GAS2: variants seen among roughly 807,000 people sequenced by gnomAD.
GAS2 encodes growth arrest specific 2.
A neutral mutation model predicts 37.5 loss-of-function variants in GAS2; 20 were observed. The ratio of observed to expected loss-of-function variants is 0.53; its 90% CI spans 0.37 to 0.77. GAS2 has a LOEUF of 0.77. Among genes scored for constraint, GAS2 ranks in the 30% least tolerant of loss-of-function variants. The pLI is 0.00. For missense variants in GAS2, 336 were observed against 373.4 expected, an observed-to-expected ratio of 0.90 and a Z score of 0.82; for synonymous variants, 144 against 132.2, an observed-to-expected ratio of 1.09 and a Z score of -0.61.
intron 3 of GAS2, among the ~76,000 whole-genome samples, chr11:22,725,618 G>T (rs1201019595): frequency 6.6e-6 from 1 of 152,024 alleles, no homozygotes; most frequent in Non-Finnish European, 1.5e-5. Context: ...GTAGAGATAG[G>T]ATACCATTAT....
At chr11:22,717,712 A>G (rs1185018327) in intron 3 of GAS2, among the ~76,000 whole-genome samples, 1 of 152,196 alleles carries the variant, frequency 6.6e-6, no homozygotes, top group Non-Finnish European at 1.5e-5. Flanking sequence ...AAATATTCAC[A>G]AACTATGCAT....
chr11:22,720,253 G>A (rs1041039216), intron 3 of GAS2, among the ~76,000 whole-genome samples: 4 of 151,966 alleles, frequency 2.6e-5, no homozygotes, highest in Non-Finnish European at 5.9e-5. Context: ...ATATAAAGTG[G>A]AATTTATCTT....
chr11:22,730,226 T>C (rs991418974), intron 4 of GAS2, among the ~76,000 whole-genome samples: 4 of 151,864 alleles, frequency 2.6e-5, no homozygotes, highest in Non-Finnish European at 5.9e-5. Flanking sequence ...AGGTTGTAAA[T>C]TATATCATTT....
At chr11:22,715,796 T>C (rs1851645804) in intron 3 of GAS2, among the ~76,000 whole-genome samples, 1 of 152,142 alleles carries the variant, frequency 6.6e-6, no homozygotes, top group Admixed American at 6.5e-5. Flanking sequence ...CCAATCCTGC[T>C]GAAACTATTC....
chr11:22,629,425 A>G (rs1313352449), intron 1 of GAS2, among the ~76,000 whole-genome samples: 4 of 151,960 alleles, frequency 2.6e-5, no homozygotes, highest in Non-Finnish European at 4.4e-5. Flanking sequence ...TCCCACCAAC[A>G]GTGTATAAGC....
chr11:22,773,248 T>C (rs1220966895), intron 7 of GAS2, among the ~76,000 whole-genome samples: 4 of 152,180 alleles, frequency 2.6e-5, no homozygotes, highest in Non-Finnish European at 5.9e-5. Flanking sequence ...TAAGGAGGCT[T>C]GCCAAGCTGT....
At chr11:22,799,456 G>A (rs1856567149) in intron 7 of GAS2, among the ~76,000 whole-genome samples, 1 of 151,936 alleles carries the variant, frequency 6.6e-6, no homozygotes. Flanking sequence ...CATGATATTT[G>A]TTTCTTCTCT....
At chr11:22,756,271 T>C (rs1429287297) in intron 7 of GAS2, among the ~76,000 whole-genome samples, 1 of 152,004 alleles carries the variant, frequency 6.6e-6, no homozygotes, top group African/African-American at 2.4e-5. Flanking sequence ...TTTGTGGCTT[T>C]TACTAAGACC....
chr11:22,641,868 G>A (rs1351662785), intron 1 of GAS2, among the ~76,000 whole-genome samples: 3 of 152,102 alleles, frequency 2.0e-5, no homozygotes, highest in Non-Finnish European at 4.4e-5. Flanking sequence ...GCCATATACT[G>A]TTGCAGATCT....
intron 7 of GAS2, among the ~76,000 whole-genome samples, chr11:22,791,142 G>A (rs924354034): frequency 1.3e-5 from 2 of 152,130 alleles, no homozygotes; most frequent in Admixed American, 6.5e-5. Context: ...AGAAAAAAAT[G>A]GTAAATTTGA....
chr11:22,740,208 A>G lies in GAS2; in HGVS notation c.473+2440A>G, dbSNP rs140154081. On this transcript the variant is annotated intron_variant, in intron 5 of 7. Transcript: ENST00000454584. ...GGCCTTGTCATTTTCAAGGTAATAC[A>G]TTATGTGAATAGTTCCTCCCACCCA... 5.6e-3 allele frequency among the ~76,000 whole-genome samples: 849 copies of G among 152,286 alleles called. 14 individuals carry two copies. Among genetic ancestry groups the G allele is most frequent in the African/African-American group, 0.018 (768 of 41,550 alleles).
intron 1 of GAS2, among the ~76,000 whole-genome samples, chr11:22,636,294 T>G (rs1174594005): frequency 6.6e-6 from 1 of 152,144 alleles, no homozygotes; most frequent in Non-Finnish European, 1.5e-5. Context: ...ATTCAAACCA[T>G]GGGAGTTAGG....
intron 7 of GAS2, among the ~76,000 whole-genome samples, chr11:22,776,384 A>G (rs1157575513): frequency 1.3e-5 from 2 of 152,212 alleles, no homozygotes; most frequent in South Asian, 2.1e-4. Flanking sequence ...TCTATAAACC[A>G]TATAGTTTGC....
chr11:22,704,094 C>G (rs2134040820), intron 3 of GAS2, among the ~76,000 whole-genome samples: 1 of 152,180 alleles, frequency 6.6e-6, no homozygotes, highest in East Asian at 1.9e-4. Context: ...TGAAACAACT[C>G]AATAAATTCA....
chr11:22,786,030 T>C (rs1405751491), intron 7 of GAS2, among the ~76,000 whole-genome samples: 1 of 152,000 alleles, frequency 6.6e-6, no homozygotes, highest in Non-Finnish European at 1.5e-5. Flanking sequence ...CTAAGGGGAG[T>C]TTTGGTTAAA....
chr11:22,688,625 CAAAA>C (rs1472853797), intron 3 of GAS2, among the ~76,000 whole-genome samples: 1 of 151,980 alleles, frequency 6.6e-6, no homozygotes, highest in East Asian at 1.9e-4. Context: ...AACTATAAAA[CAAAA>C]AGAAAAGAAT....
At chr11:22,641,308 A>ATGTATT (rs1174213929) in intron 1 of GAS2, among the ~76,000 whole-genome samples, 2 of 99,412 alleles carry the variant, frequency 2.0e-5, no homozygotes, top group African/African-American at 6.8e-5. Context: ...ATATCTTTAT[A>ATGTATT]TATATTTATA....
At chr11:22,696,916 T>G (rs1220289314) in intron 3 of GAS2, among the ~76,000 whole-genome samples, 1 of 149,134 alleles carries the variant, frequency 6.7e-6, no homozygotes, top group Non-Finnish European at 1.5e-5. Context: ...TGATGGTAGT[T>G]TCTTTTGCTG....
At position 22,723,828 on chromosome 11, in the gene GAS2, G is replaced by T. The variant is rs186600465; in HGVS notation, c.268-2464G>T. ...AAAAGTTTTACCATCATCTCTTGGA[G>T]ATTTTATTCAGCATATTATTTTTAT... On this transcript the variant is annotated intron_variant, in intron 3 of 7. Coordinates refer to ENST00000454584, the MANE Select transcript of GAS2 (RefSeq NM_001143830.3). Among the ~76,000 whole-genome samples, 1,366 of 151,740 alleles carry T rather than the reference G, an allele frequency of 9.0e-3. 20 individuals carry two copies. The highest frequency in any genetic ancestry group is 0.031 in the African/African-American group (1,303 of 41,430).
Sources: gnomAD v4.1 joint callset for allele counts (sites outside exome capture counted in the v4.1 genomes callset) on GRCh38, gnomAD v4.1.1 for gene constraint, MANE v1.5 for transcripts, NCBI Gene and HGNC (gene_info 2026-07-23, HGNC 2026-07-21) for gene names.